The following DOCK3 variants were observed in gnomAD, a reference collection of about 807,000 sequenced individuals.
The protein encoded by DOCK3 is dedicator of cytokinesis 3.
DOCK3 carries 60 observed loss-of-function variants against 265.6 expected under a neutral mutation model. That is an observed-to-expected ratio of 0.23 (90% CI 0.18 to 0.28). The LOEUF (loss-of-function observed/expected upper bound fraction) is 0.28, where lower values mean the gene tolerates loss of function less well. DOCK3 is among the 10% of genes least tolerant of loss of function. The pLI, the probability that DOCK3 is intolerant of heterozygous loss-of-function variation, is 1.00. For missense variants in DOCK3, 1,981 were observed against 2,594.3 expected (o/e 0.76, Z 5.14); for synonymous variants, 881 against 938.0 (o/e 0.94, Z 1.11).
At chr3:51,296,430 A>G (rs1427884893) in intron 27 of DOCK3, among the ~76,000 whole-genome samples, 1 of 152,160 alleles carries the variant, frequency 6.6e-6, no homozygotes, top group Non-Finnish European at 1.5e-5. Flanking sequence ...AGATAGATAC[A>G]TAGATCAACA....
At chr3:51,296,049 C>T (rs1440666134) in intron 27 of DOCK3, among the ~76,000 whole-genome samples, 1 of 152,106 alleles carries the variant, frequency 6.6e-6, no homozygotes, top group East Asian at 1.9e-4. Context: ...CACTATGTTG[C>T]TCAAGCTAAC....
At chr3:51,379,441 C>A (rs1046319659) in intron 51 of DOCK3, 2 of 985,338 alleles carry the variant, frequency 2.0e-6, no homozygotes, top group African/African-American at 3.5e-5. Context: ...TCTGTTTCCA[C>A]CCTTCAGCTG....
chr3:51,089,416 C>T, intron 8 of DOCK3, 132 bp downstream of exon 8: 1 of 1,102,596 alleles, frequency 9.1e-7, no homozygotes. Flanking sequence ...ATCTGAGGAG[C>T]TTTGACCTCT....
At chr3:50,878,365 G>T (rs1380532876) in intron 3 of DOCK3, among the ~76,000 whole-genome samples, 6 of 152,288 alleles carry the variant, frequency 3.9e-5, no homozygotes, top group African/African-American at 1.4e-4. Context: ...CCATTGCAAA[G>T]AAGCTAAAAA....
intron 27 of DOCK3, among the ~76,000 whole-genome samples, chr3:51,297,774 AAATAAT>A (rs1047160280): frequency 2.7e-5 from 3 of 112,492 alleles, no homozygotes; most frequent in African/African-American, 1.1e-4. Flanking sequence ...GTCTTTACAA[AAATAAT>A]AATAATAATA....
chr3:51,041,676 A>G (rs937942485), intron 5 of DOCK3, among the ~76,000 whole-genome samples: 2 of 152,174 alleles, frequency 1.3e-5, no homozygotes, highest in African/African-American at 2.4e-5. Context: ...AAGAGCAGTA[A>G]TATTTTGAAA....
intron 4 of DOCK3, among the ~76,000 whole-genome samples, chr3:50,894,527 T>G (rs1447615808): frequency 6.6e-6 from 1 of 152,030 alleles, no homozygotes; most frequent in African/African-American, 2.4e-5. Flanking sequence ...CATACAAAAG[T>G]ATACAATTCA....
At chr3:50,986,884 A>T (rs889744853) in intron 5 of DOCK3, among the ~76,000 whole-genome samples, 2 of 152,240 alleles carry the variant, frequency 1.3e-5, no homozygotes, top group African/African-American at 4.8e-5. Flanking sequence ...AGCTCTATGC[A>T]TCATTTATGA....
At chr3:51,104,028 G>A (rs894117203) in intron 9 of DOCK3, among the ~76,000 whole-genome samples, 6 of 152,226 alleles carry the variant, frequency 3.9e-5, no homozygotes, top group Non-Finnish European at 8.8e-5. Context: ...AGAGAAGGGA[G>A]CTAGAACATG....
At chr3:51,190,922 C>T (rs990303898) in intron 12 of DOCK3, among the ~76,000 whole-genome samples, 3 of 152,098 alleles carry the variant, frequency 2.0e-5, no homozygotes, top group African/African-American at 4.8e-5. Flanking sequence ...GGTTTACTGG[C>T]CACTGAGGTA....
At chr3:51,108,683 A>T (rs1035739047) in intron 9 of DOCK3, among the ~76,000 whole-genome samples, 1 of 152,238 alleles carries the variant, frequency 6.6e-6, no homozygotes, top group Admixed American at 6.5e-5. Flanking sequence ...AAATAAAGGG[A>T]TGGAGAAAAA....
intron 5 of DOCK3, among the ~76,000 whole-genome samples, chr3:50,980,454 T>A (rs1408874225): frequency 2.0e-5 from 3 of 152,226 alleles, no homozygotes; most frequent in African/African-American, 7.2e-5. Context: ...GTTTTGCTAT[T>A]TGATGATGCT....
rs9822836 is a variant in DOCK3 at position 51,046,084 on chromosome 3, A to C, written c.316-18364A>C. ...CCTAATGGTAACCACAAAGAAAAAA[A>C]CCTGTCATAGATTTTTAAAAGATAT... On this transcript the variant is annotated intron_variant, in intron 5 of 52. Transcript: ENST00000266037. Among the ~76,000 whole-genome samples the C allele has an allele frequency of 3.7e-3, 559 of 152,290 alleles. 4 individuals are homozygous for C. The highest frequency in any genetic ancestry group is 0.013 in the African/African-American group (537 of 41,570).
chr3:50,974,249 C>G (rs1356143183), intron 5 of DOCK3, among the ~76,000 whole-genome samples: 1 of 151,688 alleles, frequency 6.6e-6, no homozygotes, highest in South Asian at 2.1e-4. Flanking sequence ...CCTAGGTTTT[C>G]TTCTAGGGTT....
rs547720615 is a variant in DOCK3, at chr3:51,147,373, G to C, written c.828+743G>C. ...CTTTATATATATACTTTAAGTTCTA[G>C]GGTACATGTACACAACATGCAGGTT... On this transcript the variant is annotated intron_variant, in intron 10 of 52. Transcript: ENST00000266037. Among the ~76,000 whole-genome samples, 3 of 152,124 alleles carry C rather than the reference G, an allele frequency of 2.0e-5. No homozygotes were observed. The South Asian group carries it at 6.2e-4, about 32-fold the overall frequency.
At chr3:51,202,627 C>T (rs2088871643) in intron 12 of DOCK3, among the ~76,000 whole-genome samples, 1 of 152,022 alleles carries the variant, frequency 6.6e-6, no homozygotes, top group African/African-American at 2.4e-5. Flanking sequence ...GAAACTATTC[C>T]AAACAATAGA....
intron 3 of DOCK3, among the ~76,000 whole-genome samples, chr3:50,870,488 C>T (rs577425083): frequency 6.6e-6 from 1 of 151,860 alleles, no homozygotes; most frequent in Non-Finnish European, 1.5e-5. Context: ...TATTTTTAGT[C>T]CACATGTGCC....
At chr3:51,094,515 C>T (rs111954541) in intron 9 of DOCK3, among the ~76,000 whole-genome samples, 2,574 of 151,870 alleles carry the variant, frequency 0.017, 53 homozygotes, top group African/African-American at 0.042. Context: ...GTGGTGATAT[C>T]CCCTTTATCA....
At chr3:50,948,719 A>G in intron 5 of DOCK3, among the ~76,000 whole-genome samples, 1 of 151,240 alleles carries the variant, frequency 6.6e-6, no homozygotes, top group Non-Finnish European at 1.5e-5. Flanking sequence ...GTTTCAAGTT[A>G]TGTCCTGACT....
Sources: gnomAD v4.1 joint callset for allele counts (sites outside exome capture counted in the v4.1 genomes callset) on GRCh38, gnomAD v4.1.1 for gene constraint, MANE v1.5 for transcripts, NCBI Gene and HGNC (gene_info 2026-07-23, HGNC 2026-07-21) for gene names.